TBC1D16: variants seen among roughly 807,000 people sequenced by gnomAD.
TBC1D16 encodes CTD-2529O21.1.
A neutral mutation model predicts 74.7 loss-of-function variants in TBC1D16; 58 were observed. That is an observed-to-expected ratio of 0.78 (90% CI 0.63 to 0.97). The LOEUF is 0.97. Ranked by LOEUF, TBC1D16 falls within the 50% of genes least tolerant of loss-of-function variation. TBC1D16 has a pLI of 0.00. For synonymous variants in TBC1D16, 493 were observed against 474.7 expected, an observed-to-expected ratio of 1.04 and a Z score of -0.50; for missense variants, 1,014 against 1,079.5, an observed-to-expected ratio of 0.94 and a Z score of 0.85.
In TBC1D16 at chr17:79,985,649, A is replaced by T. The variant is rs1282348534; in HGVS notation, c.779+24511T>A. ...ATCCGGTGGCAGCCATTCCGCATTGATCTCCATTTGCTTTTCAAACATGCA... is the reference window on the plus strand; with the variant it reads ...ATCCGGTGGCAGCCATTCCGCATTGTTCTCCATTTGCTTTTCAAACATGCA... On this transcript the variant is annotated intron_variant, in intron 3 of 11. Transcript: ENST00000310924. This position sits in a 1 kb window ranked among gnomAD's most constrained non-coding sequence, Gnocchi z 4.9. Among the ~76,000 whole-genome samples, 13 of 152,050 alleles carry T rather than the reference A, an allele frequency of 8.5e-5. No homozygotes were observed. In the East Asian group the frequency reaches 2.3e-3, roughly 27 times the overall value.
At position 80,007,203 on chromosome 17, in the gene TBC1D16, G is replaced by A. The variant is rs1384658283; in HGVS notation, c.779+2957C>T. ...GAGCCCGCGGCCATGTGGCCAAGAGGCATTTTCTGAGCCTTCATCAGGAGC... is the reference window on the plus strand; with the variant it reads ...GAGCCCGCGGCCATGTGGCCAAGAGACATTTTCTGAGCCTTCATCAGGAGC... On this transcript the variant is annotated intron_variant, in intron 3 of 11. Transcript: ENST00000310924. This position sits in a 1 kb window ranked among gnomAD's most constrained non-coding sequence, Gnocchi z 4.5. 1.3e-5 allele frequency among the ~76,000 whole-genome samples: 2 copies of A among 152,202 alleles called. No homozygotes were observed. Among genetic ancestry groups the A allele is most frequent in the Non-Finnish European group, 2.9e-5 (2 of 68,040 alleles).
rs756644260 is a variant in TBC1D16, at chr17:79,941,045, C to A, written c.2118G>T (p.Leu706=). The part of the protein sequence containing the change: ...LPRIPCSLHD[L]CKLCGSGMWD... ...ACATGCCTGACCCGCACAGCTTACA[C>A]AGATCGTGCAGGCTGCAGGGGATCC... is the stretch of plus-strand genomic sequence containing the variant. The change falls in exon 12 of 12, where the codon CTG becomes CTT. Residue 706 remains leucine (L), a synonymous_variant. Transcript: ENST00000310924. The surrounding 1 kb of genome is among the most constrained non-coding windows in gnomAD (Gnocchi z 4.3). 1.2e-6 allele frequency: 2 copies of A among 1,603,558 alleles called. No homozygotes were observed.
intron 2 of TBC1D16, among the ~76,000 whole-genome samples, chr17:80,011,783 A>G (rs2144677634): frequency 6.6e-6 from 1 of 151,356 alleles, no homozygotes; most frequent in South Asian, 2.1e-4. Flanking sequence ...CCGAGATTGC[A>G]CCACTGCACT....
chr17:79,951,708 CAGTG>C (rs2033063869), intron 4 of TBC1D16, 111 bp from the exon 5 acceptor site: 1 of 1,258,702 alleles, frequency 7.9e-7, no homozygotes, highest in Non-Finnish European at 1.1e-6. Context: ...AAGCAGGAAA[CAGTG>C]AGTCCCAGTG....
intron 3 of TBC1D16, among the ~76,000 whole-genome samples, chr17:79,953,840 G>A (rs998817481): frequency 6.6e-6 from 1 of 150,932 alleles, no homozygotes; most frequent in African/African-American, 2.4e-5. Flanking sequence ...GTGCGATCTC[G>A]GCTCACTGCC....
rs942567037 is a variant in TBC1D16 at position 79,990,099 on chromosome 17, C to T, written c.779+20061G>A. Among the ~76,000 whole-genome samples the T allele has an allele frequency of 6.6e-6, 1 of 152,218 alleles. No homozygotes were observed. Among genetic ancestry groups the T allele is most frequent in the South Asian group, 2.1e-4 (1 of 4,832 alleles). The stretch of plus-strand genomic sequence containing the variant: ...AATCTTGCCAGGCTCTGGAAGCTTC[C>T]GTCAAGGTTTTCCCACACTCCATGT... On this transcript the variant is annotated intron_variant, in intron 3 of 11. Coordinates refer to ENST00000310924, the MANE Select transcript of TBC1D16 (RefSeq NM_019020.4). The surrounding 1 kb of genome is among the most constrained non-coding windows in gnomAD (Gnocchi z 4.8).
At chr17:80,024,585 C>CCACACACCATAGGCACACCATAGACA (rs1555885893) in intron 1 of TBC1D16, among the ~76,000 whole-genome samples, 10 of 103,750 alleles carry the variant, frequency 9.6e-5, no homozygotes. Context: ...GGCACACACA[C>CCACACACCATAGGCACACCATAGACA]CACACACCAC....
rs1003049075 is a variant in TBC1D16, at chr17:79,983,031, G to A, written c.779+27129C>T. Among the ~76,000 whole-genome samples, 2 of 152,206 alleles carry A rather than the reference G, an allele frequency of 1.3e-5. No homozygotes were observed. The highest frequency in any genetic ancestry group is 1.9e-4 in the East Asian group (1 of 5,190). ...GCGGAATCCCTGTGTGTGTGCACAC[G>A]CATCCACCCCGAGCCTCTGTGTGCA... On this transcript the variant is annotated intron_variant, in intron 3 of 11. Coordinates refer to ENST00000310924, the MANE Select transcript of TBC1D16 (RefSeq NM_019020.4). The surrounding 1 kb of genome is among the most constrained non-coding windows in gnomAD (Gnocchi z 5.6).
intron 3 of TBC1D16, among the ~76,000 whole-genome samples, chr17:79,995,456 G>A (rs189687958): frequency 6.3e-4 from 95 of 151,964 alleles, no homozygotes; most frequent in African/African-American, 2.2e-3. Flanking sequence ...AATAAACCTC[G>A]ACCCCGTAAA....
chr17:79,944,225 C>T lies in TBC1D16; in HGVS notation c.1908+683G>A. ...GCTGGAGCTGCCGTGGTGGATAGAG[C>T]CAGCTCCTGCAAAAGGGTCCAGCCC... On this transcript the variant is annotated intron_variant, in intron 10 of 11. Coordinates refer to ENST00000310924, the MANE Select transcript of TBC1D16 (RefSeq NM_019020.4). This position sits in a 1 kb window ranked among gnomAD's most constrained non-coding sequence, Gnocchi z 7.7. The T allele has an allele frequency of 7.4e-7, 1 of 1,346,306 alleles. No individual in the cohort carries two copies. Among genetic ancestry groups the T allele is most frequent in the South Asian group, 1.3e-5 (1 of 78,762 alleles). The allele number at this position is 1,346,306 out of a possible 1,614,324, so 83.4% of individuals were successfully genotyped here. A position where few individuals can be genotyped will look rare whatever the true frequency, so the allele number is the denominator to read the frequency against.
At chr17:79,977,146 C>T (rs150867365) in intron 3 of TBC1D16, among the ~76,000 whole-genome samples, 1 of 152,226 alleles carries the variant, frequency 6.6e-6, no homozygotes, top group Non-Finnish European at 1.5e-5. Context: ...TCATTTCACG[C>T]CTTCCCCAAC....
At chr17:80,027,597 CAA>C (rs879442840) in intron 1 of TBC1D16, among the ~76,000 whole-genome samples, 1 of 139,152 alleles carries the variant, frequency 7.2e-6, no homozygotes. Context: ...GACCCTGTCT[CAA>C]AAAAAAAAAG....
At chr17:79,998,627 G>C (rs1158790850) in intron 3 of TBC1D16, among the ~76,000 whole-genome samples, 1 of 150,516 alleles carries the variant, frequency 6.6e-6, no homozygotes, top group Non-Finnish European at 1.5e-5. Context: ...TTACAGGTGT[G>C]AGCCACCGCA....
intron 2 of TBC1D16, among the ~76,000 whole-genome samples, chr17:80,012,735 T>C (rs2035939825): frequency 6.6e-6 from 1 of 152,206 alleles, no homozygotes; most frequent in African/African-American, 2.4e-5. Flanking sequence ...TTTGCCATCT[T>C]GTCTGGGACT....
Position 79,984,216 on chromosome 17 carries a change from G to T in TBC1D16, c.779+25944C>A, listed in dbSNP as rs569517820. Among the ~76,000 whole-genome samples the T allele has an allele frequency of 2.4e-4, 36 of 152,180 alleles. No homozygotes were observed. The South Asian group carries it at 7.5e-3, about 32-fold the overall frequency. ...TTTCAATACTTTTTTGTAAAGATGG[G>T]ATCTCACAATGTTGCCCAGGCCTGA... On this transcript the variant is annotated intron_variant, in intron 3 of 11. Transcript: ENST00000310924.
intron 1 of TBC1D16, among the ~76,000 whole-genome samples, chr17:80,026,372 CCA>C: frequency 6.7e-6 from 1 of 149,956 alleles, no homozygotes; most frequent in Non-Finnish European, 1.5e-5. Context: ...TGGCAGTGAG[CCA>C]AGATTGTGCC....
rs1040789101 is a variant in TBC1D16 at position 79,981,781 on chromosome 17, A to G, written c.779+28379T>C. On this transcript the variant is annotated intron_variant, in intron 3 of 11. Transcript: ENST00000310924. The surrounding 1 kb of genome is among the most constrained non-coding windows in gnomAD (Gnocchi z 6.9). ...ACGTGCTCACTGCACATAACGCTGA[A>G]CCTGCCACGGGCACGAAGCAGACCC... Among the ~76,000 whole-genome samples the G allele has an allele frequency of 6.6e-6, 1 of 152,334 alleles. No individual in the cohort carries two copies. Among genetic ancestry groups the G allele is most frequent in the East Asian group, 1.9e-4 (1 of 5,188 alleles).
chr17:80,032,559 G>A (rs970949739), intron 1 of TBC1D16, among the ~76,000 whole-genome samples: 3 of 152,108 alleles, frequency 2.0e-5, no homozygotes, highest in Non-Finnish European at 2.9e-5. Flanking sequence ...TGCAACATCA[G>A]GTGCTCAAAG....
At chr17:79,948,213 TGA>T (rs2143618114) in intron 8 of TBC1D16, among the ~76,000 whole-genome samples, 1 of 150,754 alleles carries the variant, frequency 6.6e-6, no homozygotes, top group East Asian at 2.0e-4. Context: ...CTTGGGAGGC[TGA>T]GACTGGAGAA....
Sources: allele counts gnomAD v4.1 joint callset (sites outside exome capture counted in the v4.1 genomes callset), GRCh38; gene constraint gnomAD v4.1.1; non-coding constraint Gnocchi (gnomAD v3.1); transcripts MANE v1.5; gene names NCBI Gene and HGNC (gene_info 2026-07-23, HGNC 2026-07-21).